The following PLBD1 variants were observed in gnomAD, a reference collection of about 807,000 sequenced individuals.
PLBD1 encodes phospholipase B domain containing 1, also known as lysosomal leucine aminopeptidase.
PLBD1 carries 60 observed loss-of-function variants against 63.0 expected under a neutral mutation model. The ratio of observed to expected loss-of-function variants is 0.95; its 90% CI spans 0.77 to 1.18. PLBD1 has a LOEUF of 1.18. PLBD1 is among the 50% of genes most tolerant of loss of function. The pLI, the probability that PLBD1 is intolerant of heterozygous loss-of-function variation, is 0.00. For synonymous variants in PLBD1, 262 were observed against 248.0 expected, an observed-to-expected ratio of 1.06 and a Z score of -0.53; for missense variants, 598 against 677.9, an observed-to-expected ratio of 0.88 and a Z score of 1.31.
At chr12:14,521,489 T>C (rs1476495375) in intron 6 of PLBD1, among the ~76,000 whole-genome samples, 1 of 151,994 alleles carries the variant, frequency 6.6e-6, no homozygotes, top group Non-Finnish European at 1.5e-5. Flanking sequence ...AGAGCTGCCA[T>C]ACAAACTCCT....
intron 2 of PLBD1, among the ~76,000 whole-genome samples, chr12:14,546,520 A>T (rs927260298): frequency 6.6e-6 from 1 of 152,008 alleles, no homozygotes; most frequent in Non-Finnish European, 1.5e-5. Context: ...TTTTCAGTCT[A>T]TTTCAAGATA....
intron 8 of PLBD1, among the ~76,000 whole-genome samples, chr12:14,507,515 C>T (rs769788343): frequency 1.3e-5 from 2 of 152,154 alleles, no homozygotes; most frequent in Non-Finnish European, 2.9e-5. Flanking sequence ...CACAGTGTGG[C>T]CCTATAAAGG....
intron 2 of PLBD1, among the ~76,000 whole-genome samples, chr12:14,545,002 C>T (rs1592006297): frequency 6.6e-6 from 1 of 151,370 alleles, no homozygotes; most frequent in African/African-American, 2.4e-5. Context: ...TTTTCTTTCC[C>T]CCCTCTCTGT....
At position 14,562,548 on chromosome 12, in the gene PLBD1, A is replaced by G. The variant is rs140730087; in HGVS notation, c.115+5034T>C. 5.9e-5 allele frequency among the ~76,000 whole-genome samples: 9 copies of G among 151,698 alleles called. No individual in the cohort carries two copies. In the East Asian group the frequency reaches 1.7e-3, roughly 29 times the overall value. On this transcript the variant is annotated intron_variant, in intron 1 of 10. Transcript: ENST00000240617. ...TCAAGTCTTAAGCTAAAATTTCCCC[A>G]TAATTTCACTACCTCTATTTCATTT...
intron 6 of PLBD1, among the ~76,000 whole-genome samples, chr12:14,520,098 C>T (rs1945364354): frequency 6.6e-6 from 1 of 152,188 alleles, no homozygotes; most frequent in South Asian, 2.1e-4. Context: ...GAAGGGTTTT[C>T]CCTTGTAAGA....
chr12:14,530,180 T>A (rs1270266188), intron 6 of PLBD1: 1 of 152,356 alleles, frequency 6.6e-6, no homozygotes, highest in East Asian at 1.9e-4. Context: ...ATTCAAGCAG[T>A]TCTGAGGAGA....
intron 2 of PLBD1, among the ~76,000 whole-genome samples, chr12:14,552,967 G>A (rs1372223974): frequency 6.6e-6 from 1 of 152,200 alleles, no homozygotes; most frequent in Non-Finnish European, 1.5e-5. Context: ...GATCAAGGCT[G>A]TGGTGAGCTA....
At chr12:14,506,043 T>TC (rs1284918866) in intron 10 of PLBD1, 119 bp downstream of exon 10, 2 of 619,964 alleles carry the variant, frequency 3.2e-6, no homozygotes, top group Non-Finnish European at 5.5e-6. Context: ...AAAAGCTGAT[T>TC]CCTGGGTTGA....
chr12:14,530,882 T>C (rs10772788), intron 6 of PLBD1, among the ~76,000 whole-genome samples: 89,901 of 152,082 alleles, frequency 0.59, 27,051 homozygotes, highest in Admixed American at 0.71. Flanking sequence ...TAGCTGTTAC[T>C]AGGCAAACAG....
rs2160970 is a variant in PLBD1, at chr12:14,566,054, C to G, written c.115+1528G>C. 3.3e-5 allele frequency among the ~76,000 whole-genome samples: 5 copies of G among 152,278 alleles called. No individual in the cohort carries two copies. In the South Asian group the frequency reaches 1.0e-3, roughly 32 times the overall value. ...TCACTCCTCAGGCTGCCCCCTCCAC[C>G]TACAAAAACACTTAATCTCACTCGT... On this transcript the variant is annotated intron_variant, in intron 1 of 10. Transcript: ENST00000240617.
At chr12:14,555,301 A>G (rs954215469) in intron 1 of PLBD1, among the ~76,000 whole-genome samples, 56 of 152,126 alleles carry the variant, frequency 3.7e-4, no homozygotes, top group African/African-American at 1.3e-3. Flanking sequence ...ACTTTGGGAG[A>G]CCAAGGAGGA....
At chr12:14,508,959 C>T (rs2136904236) in intron 8 of PLBD1, among the ~76,000 whole-genome samples, 1 of 152,260 alleles carries the variant, frequency 6.6e-6, no homozygotes. Context: ...CACCATACCA[C>T]AGTTGCTTAA....
At chr12:14,554,377 A>G (rs889343524) in intron 1 of PLBD1, 5 of 152,078 alleles carry the variant, frequency 3.3e-5, no homozygotes, top group African/African-American at 1.2e-4. Flanking sequence ...CATAGTTAAC[A>G]TGCTCCATTG....
intron 6 of PLBD1, among the ~76,000 whole-genome samples, chr12:14,527,998 C>T (rs776204882): frequency 6.6e-6 from 1 of 151,312 alleles, no homozygotes; most frequent in African/African-American, 2.4e-5. Flanking sequence ...ATATACCATA[C>T]TTATGAATGT....
At chr12:14,527,412 C>T (rs1439104597) in intron 6 of PLBD1, among the ~76,000 whole-genome samples, 1 of 152,102 alleles carries the variant, frequency 6.6e-6, no homozygotes, top group Non-Finnish European at 1.5e-5. Flanking sequence ...AGGATACATG[C>T]TCCCAAAACG....
intron 6 of PLBD1, among the ~76,000 whole-genome samples, chr12:14,526,828 C>T (rs1349858363): frequency 1.3e-5 from 2 of 151,938 alleles, no homozygotes; most frequent in South Asian, 2.1e-4. Flanking sequence ...CAAAATTGGC[C>T]GGGCGTGGTG....
chr12:14,544,006 T>G (rs1945595995), intron 2 of PLBD1, among the ~76,000 whole-genome samples: 1 of 152,246 alleles, frequency 6.6e-6, no homozygotes, highest in Non-Finnish European at 1.5e-5. Context: ...AATATCTTGG[T>G]ATCTTCTGAC....
In PLBD1 at chr12:14,507,067, C is replaced by T; in HGVS notation, c.1238G>A (p.Ser413Asn). The T allele has an allele frequency of 1.2e-6, 2 of 1,613,612 alleles. No individual in the cohort carries two copies. Among genetic ancestry groups the T allele is most frequent in the Non-Finnish European group, 1.7e-6 (2 of 1,179,686 alleles). The change falls in exon 9 of 11, where the codon AGT becomes AAT. Residue 413 changes from serine to asparagine, a missense_variant. Physicochemically the swap from Ser to Asn is conservative, Grantham distance 46. Coordinates refer to ENST00000240617, the MANE Select transcript of PLBD1 (RefSeq NM_024829.6). ...VPFHEKIYNW[S>N]GYPLLVQKLG... is the part of the protein sequence containing the mutation. ...CTTCTGAACTAACAGTGGATAGCCA[C>T]TCCAGTTGTAGATTTTTTCATGGAA... is the stretch of plus-strand genomic sequence containing the variant.
chr12:14,504,835 C>G (rs1945239692), intron 10 of PLBD1, among the ~76,000 whole-genome samples: 1 of 152,116 alleles, frequency 6.6e-6, no homozygotes, highest in Non-Finnish European at 1.5e-5. Flanking sequence ...CAAAATGACT[C>G]TAAAGAGATA....
Sources: allele counts gnomAD v4.1 joint callset (sites outside exome capture counted in the v4.1 genomes callset), GRCh38; gene constraint gnomAD v4.1.1; transcripts MANE v1.5; gene names NCBI Gene and HGNC (gene_info 2026-07-23, HGNC 2026-07-21).